Variants in SLC12A6 observed in about 807,000 individuals in gnomAD.
The protein encoded by SLC12A6 is K-Cl cotransporter 3.
In SLC12A6, 66 loss-of-function variants were observed where a neutral mutation model predicts 135.3. The observed-to-expected ratio is 0.49, with a 90% CI of 0.40 to 0.60. SLC12A6 has a LOEUF of 0.60. Ranked by LOEUF, SLC12A6 falls within the 20% of genes least tolerant of loss-of-function variation. The pLI, the probability that SLC12A6 is intolerant of heterozygous loss-of-function variation, is 0.00. For synonymous variants in SLC12A6, 513 were observed against 508.8 expected, an observed-to-expected ratio of 1.01 and a Z score of -0.11; for missense variants, 1,058 against 1,452.3, an observed-to-expected ratio of 0.73 and a Z score of 4.41.
chr15:34,315,402 T>G (rs149946740), intron 2 of SLC12A6, among the ~76,000 whole-genome samples: 1 of 152,146 alleles, frequency 6.6e-6, no homozygotes, highest in Non-Finnish European at 1.5e-5. Flanking sequence ...AAGGCTCAGA[T>G]GATCATTAGC....
At chr15:34,238,813 CT>C in intron 20 of SLC12A6, 151 bp downstream of exon 20, 1 of 761,492 alleles carries the variant, frequency 1.3e-6, no homozygotes, top group Non-Finnish European at 2.4e-6. Flanking sequence ...TAGGTAGAAT[CT>C]GGGTATTACT....
At chr15:34,250,272 T>C (rs1892295411) in intron 13 of SLC12A6, 26 bp downstream of exon 13, 1 of 1,275,072 alleles carries the variant, frequency 7.8e-7, no homozygotes, top group Non-Finnish European at 1.1e-6. Context: ...ACACACATAA[T>C]TGTTACAAAG....
Position 34,250,971 on chromosome 15 carries a change from G to A in SLC12A6, c.1420C>T (p.His474Tyr), listed in dbSNP as rs144954522. The change falls in exon 11 of 26, where the codon CAT becomes TAT. Residue 474 changes from histidine to tyrosine, a missense_variant. Around this residue, in one of 6 missense-constraint regions of SLC12A6, gnomAD observed 297 missense variants for 318.5 expected, o/e 0.93. Coordinates refer to ENST00000354181, the MANE Select transcript of SLC12A6 (RefSeq NM_001365088.1). ...KSSDVLGSLN[H>Y]EYVLVDITTS... is the part of the protein sequence containing the mutation. ...GTGATGTCAACAAGAACATATTCAT[G>A]GTTTAAGCTGCCTAAGACATCAGAA... 2 of 1,611,114 alleles carry A rather than the reference G, an allele frequency of 1.2e-6. No individual in the cohort carries two copies. Among genetic ancestry groups the A allele is most frequent in the Non-Finnish European group, 1.7e-6 (2 of 1,177,318 alleles).
chr15:34,330,921 A>C (rs1889796948), intron 2 of SLC12A6, among the ~76,000 whole-genome samples: 1 of 152,100 alleles, frequency 6.6e-6, no homozygotes, highest in Non-Finnish European at 1.5e-5. Flanking sequence ...ACGTGCCTGT[A>C]GTCCCAGCTA....
At chr15:34,293,562 C>T (rs1306069164) in intron 2 of SLC12A6, among the ~76,000 whole-genome samples, 1 of 152,216 alleles carries the variant, frequency 6.6e-6, no homozygotes, top group Non-Finnish European at 1.5e-5. Flanking sequence ...CCTTGGCCTC[C>T]CAAAGTGCTG....
intron 16 of SLC12A6, among the ~76,000 whole-genome samples, chr15:34,242,643 TTAA>T (rs1364166707): frequency 6.6e-6 from 1 of 152,162 alleles, no homozygotes; most frequent in Non-Finnish European, 1.5e-5. Context: ...GCCAGAAATG[TTAA>T]TAACTCTAGG....
chr15:34,252,276 G>C lies in SLC12A6; in HGVS notation c.1227C>G (p.Phe409Leu). The change falls in exon 10 of 26, where the codon TTC becomes TTG. Residue 409 changes from phenylalanine to leucine, a missense_variant. By Grantham distance (22) the Phe-to-Leu change is conservative. Transcript: ENST00000354181. ...MTVPSKLWGF[F>L]CNSSQFFNAT... is the part of the protein sequence containing the mutation. ...CATTGAAAAATTGACTCGAGTTACA[G>C]AAGAATCCCCATAACTTTGATGGGA... is the stretch of plus-strand genomic sequence containing the variant. 6.2e-7 allele frequency: 1 copy of C among 1,606,200 alleles called. No homozygotes were observed. The highest frequency in any genetic ancestry group is 8.5e-7 in the Non-Finnish European group (1 of 1,172,818).
chr15:34,326,561 T>C (rs1465749336), intron 2 of SLC12A6, among the ~76,000 whole-genome samples: 1 of 152,238 alleles, frequency 6.6e-6, no homozygotes, highest in East Asian at 1.9e-4. Context: ...TAACTGTTGA[T>C]GTAACTCAGC....
chr15:34,273,750 C>T (rs1454082925), intron 3 of SLC12A6, among the ~76,000 whole-genome samples: 4 of 152,148 alleles, frequency 2.6e-5, no homozygotes, highest in Admixed American at 2.0e-4. Flanking sequence ...CATAGACACA[C>T]AAGTGTTAAA....
Position 34,238,215 on chromosome 15 carries a change from A to G in SLC12A6, c.2802+17T>C. 1 of 1,596,382 alleles carries G rather than the reference A, an allele frequency of 6.3e-7. No homozygotes were observed. Among genetic ancestry groups the G allele is most frequent in the Non-Finnish European group, 8.6e-7 (1 of 1,163,718 alleles). Reference sequence around the variant, plus strand: ...AAGGGAGAAAGACTTTTGTAAAAAAAAAGTTGTATAAAATACCTTGTGCTG... The same window carrying G: ...AAGGGAGAAAGACTTTTGTAAAAAAGAAGTTGTATAAAATACCTTGTGCTG... On this transcript the variant is annotated intron_variant, in intron 21 of 25. Coordinates refer to ENST00000354181, the MANE Select transcript of SLC12A6 (RefSeq NM_001365088.1).
chr15:34,275,930 A>T lies in SLC12A6; in HGVS notation c.272-541T>A, dbSNP rs185782170. On this transcript the variant is annotated intron_variant, in intron 2 of 25. Transcript: ENST00000354181. Reference sequence around the variant, plus strand: ...GCAAATTTATGGAGATGGAAAGCAGATTAGAGGTTACCAGGGGCTGGGTGG... The same window carrying T: ...GCAAATTTATGGAGATGGAAAGCAGTTTAGAGGTTACCAGGGGCTGGGTGG... Among the ~76,000 whole-genome samples, 141 of 152,286 alleles carry T rather than the reference A, an allele frequency of 9.3e-4. 2 individuals carry two copies. Among genetic ancestry groups the T allele is most frequent in the African/African-American group, 3.0e-3 (124 of 41,572 alleles).
At chr15:34,288,887 G>C (rs1331455371) in intron 2 of SLC12A6, among the ~76,000 whole-genome samples, 1 of 152,216 alleles carries the variant, frequency 6.6e-6, no homozygotes, top group Non-Finnish European at 1.5e-5. Flanking sequence ...ATTTTGGGCT[G>C]AGACGATGGG....
chr15:34,267,096 T>A (rs1278710581), intron 3 of SLC12A6, among the ~76,000 whole-genome samples: 1 of 151,428 alleles, frequency 6.6e-6, no homozygotes, highest in Non-Finnish European at 1.5e-5. Context: ...AATTTTACTA[T>A]ATATCTTAAA....
chr15:34,254,642 A>C, intron 8 of SLC12A6, 53 bp from the exon 9 acceptor site: 4 of 1,367,242 alleles, frequency 2.9e-6, no homozygotes, highest in Non-Finnish European at 4.2e-6. Flanking sequence ...TAATTAAGTA[A>C]AAAGGCTGTA....
rs574176770 is a variant in SLC12A6, at chr15:34,249,892, T to C, written c.1649+406A>G. ...TCATATATTTTCTTATTGTTAGTCA[T>C]GATTGATAACTCAGGTTGGGTTATT... On this transcript the variant is annotated intron_variant, in intron 13 of 25. Transcript: ENST00000354181. Among the ~76,000 whole-genome samples, 27 of 152,202 alleles carry C rather than the reference T, an allele frequency of 1.8e-4. 1 individual carries two copies. Among genetic ancestry groups the C allele is most frequent in the Non-Finnish European group, 3.7e-4 (25 of 68,034 alleles).
At chr15:34,251,097 G>GAA (rs11382535) in intron 10 of SLC12A6, 40 bp from the exon 11 acceptor site, 33,889 of 833,352 alleles carry the variant, frequency 0.041, no homozygotes, top group Non-Finnish European at 0.051. Context: ...GCAGCAGTAT[G>GAA]AAAAAAAAAA....
At chr15:34,237,395 G>C (rs1201887173) in intron 22 of SLC12A6, 24 bp downstream of exon 22, 1 of 1,600,568 alleles carries the variant, frequency 6.2e-7, no homozygotes, top group Non-Finnish European at 8.5e-7. Context: ...TGAACCTCTT[G>C]TATCTCAAAC....
Position 34,250,692 on chromosome 15 carries a change from T to C in SLC12A6, c.1530A>G (p.Lys510=). 6.2e-7 allele frequency: 1 copy of C among 1,607,354 alleles called. No individual in the cohort carries two copies. The highest frequency in any genetic ancestry group is 2.2e-5 in the East Asian group (1 of 44,846). Residue 510 remains lysine, a synonymous_variant, in exon 12 of 26, where the codon AAA becomes AAG. Transcript: ENST00000354181. ...CAATCGGAATAGACTTCTGAGCATC[T>C]TTCAGATCTCCAGATCTGTTTGATC... The part of the protein sequence containing the change: ...MAGSNRSGDL[K]DAQKSIPIGT...
intron 10 of SLC12A6, among the ~76,000 whole-genome samples, 184 bp from the exon 11 acceptor site, chr15:34,251,241 G>C (rs935355403): frequency 6.7e-6 from 1 of 148,654 alleles, no homozygotes; most frequent in Non-Finnish European, 1.5e-5. Flanking sequence ...TAAAAACATA[G>C]TTTTTTTTTT....
Sources: allele counts gnomAD v4.1 joint callset (sites outside exome capture counted in the v4.1 genomes callset), GRCh38; gene constraint gnomAD v4.1.1; regional missense constraint gnomAD v4.1.1; transcripts MANE v1.5; gene names NCBI Gene and HGNC (gene_info 2026-07-23, HGNC 2026-07-21).